The following ARMH3 variants were observed in gnomAD, a reference collection of about 807,000 sequenced individuals.
ARMH3 encodes the protein armadillo-like helical domain-containing protein 3.
Under a neutral mutation model 99.1 loss-of-function variants are expected in ARMH3, and 60 were observed. The observed-to-expected ratio is 0.61, with a 90% confidence interval of 0.49 to 0.75. The LOEUF is 0.75. Ranked by LOEUF, ARMH3 falls within the 30% of genes least tolerant of loss-of-function variation. The pLI is 0.00. For synonymous variants in ARMH3, 285 were observed against 292.8 expected, an observed-to-expected ratio of 0.97 and a Z score of 0.27; for missense variants, 679 against 843.1, an observed-to-expected ratio of 0.81 and a Z score of 2.41.
chr10:102,023,532 T>C lies in ARMH3; in HGVS notation c.614A>G (p.His205Arg). ...ILSHPPSRRE[H>R]GYDAVVLLAL... Reference sequence around the variant, plus strand: ...CAAGAGGACGACAGCATCATACCCATGCTCCCTACGACTTGGGGGATGGGA... The same window carrying C: ...CAAGAGGACGACAGCATCATACCCACGCTCCCTACGACTTGGGGGATGGGA... The change falls in exon 8 of 26, where the codon CAT becomes CGT. Residue 205 changes from histidine (H) to arginine (R), a missense_variant. His to Arg is a conservative substitution (Grantham distance 29, BLOSUM62 0). This residue lies in a region of ARMH3 where 280 missense variants were observed against 354.6 expected (regional missense o/e 0.79). Coordinates refer to ENST00000370033, the MANE Select transcript of ARMH3 (RefSeq NM_024541.3). 1 of 1,614,112 alleles carries C rather than the reference T, an allele frequency of 6.2e-7. No homozygotes were observed. The highest frequency in any genetic ancestry group is 8.5e-7 in the Non-Finnish European group (1 of 1,180,018).
rs541294479 is a variant in ARMH3 at position 101,918,184 on chromosome 10, G to A, written c.1781+21679C>T. On this transcript the variant is annotated intron_variant, in intron 23 of 25. Transcript: ENST00000370033. ...TTCTCCTGCTTCAGTCTCCCAAGTA[G>A]CTGGGACTACAGGTGTGCACCACCA... is the stretch of plus-strand genomic sequence containing the variant. Among the ~76,000 whole-genome samples the A allele has an allele frequency of 1.2e-3, 177 of 152,234 alleles. 1 individual carries two copies. Among genetic ancestry groups the A allele is most frequent in the African/African-American group, 3.9e-3 (164 of 41,536 alleles).
chr10:101,898,025 C>T (rs1419290075), intron 23 of ARMH3, among the ~76,000 whole-genome samples: 1 of 152,040 alleles, frequency 6.6e-6, no homozygotes, highest in South Asian at 2.1e-4. Flanking sequence ...TAGTTAATGT[C>T]GAACTTGCAT....
Position 101,957,654 on chromosome 10 carries a change from A to C in ARMH3, c.1574T>G (p.Leu525Arg), listed in dbSNP as rs371311945. The C allele has an allele frequency of 6.2e-7, 1 of 1,608,928 alleles. No homozygotes were observed. Among genetic ancestry groups the C allele is most frequent in the Non-Finnish European group, 8.5e-7 (1 of 1,178,310 alleles). ...AGTATTTGTTTTGATACTCACCATA[A>C]GGGCTAATGTAAAAATGTTGTGTTT... is the stretch of plus-strand genomic sequence containing the variant. ...LAKHNIFTLA[L>R]MIVNLFNMFI... Residue 525 changes from leucine (L) to arginine (R), a missense_variant, in exon 21 of 26, where the codon CTT becomes CGT. Transcript: ENST00000370033.
At chr10:101,901,265 G>A (rs890715493) in intron 23 of ARMH3, among the ~76,000 whole-genome samples, 1 of 149,028 alleles carries the variant, frequency 6.7e-6, no homozygotes, top group Non-Finnish European at 1.5e-5. Flanking sequence ...TGAGAGGGTG[G>A]GCCATATGGA....
chr10:101,903,524 G>A (rs765867177), intron 23 of ARMH3, among the ~76,000 whole-genome samples: 23 of 152,210 alleles, frequency 1.5e-4, no homozygotes, highest in Non-Finnish European at 3.2e-4. Flanking sequence ...TGCAGGCTTA[G>A]AAAGGACATT....
chr10:101,915,969 A>C (rs1367616809), intron 23 of ARMH3, among the ~76,000 whole-genome samples: 1 of 151,828 alleles, frequency 6.6e-6, no homozygotes, highest in Non-Finnish European at 1.5e-5. Context: ...GCGCCTGGCT[A>C]ATTTTTTTGT....
chr10:101,896,434 T>A (rs1229534627), intron 23 of ARMH3, among the ~76,000 whole-genome samples: 5 of 152,094 alleles, frequency 3.3e-5, no homozygotes. Flanking sequence ...TAGGGAAGAA[T>A]AGGGAGTGAC....
intron 1 of ARMH3, among the ~76,000 whole-genome samples, chr10:102,047,583 C>G (rs886406956): frequency 1.1e-4 from 16 of 151,738 alleles, no homozygotes; most frequent in Middle Eastern, 3.2e-3. Context: ...GCATCCCAGG[C>G]TCAAGTGATC....
chr10:101,999,470 G>A (rs1436028884), intron 15 of ARMH3, among the ~76,000 whole-genome samples: 1 of 152,124 alleles, frequency 6.6e-6, no homozygotes, highest in African/African-American at 2.4e-5. Flanking sequence ...GGGATTACAG[G>A]TGTGAGCCAC....
chr10:102,051,406 G>A (rs1254472310), intron 1 of ARMH3, among the ~76,000 whole-genome samples: 1 of 151,498 alleles, frequency 6.6e-6, no homozygotes. Context: ...CCAAGAGGCG[G>A]AAGTTGCAGT....
intron 23 of ARMH3, among the ~76,000 whole-genome samples, chr10:101,916,800 C>G (rs979528303): frequency 6.6e-6 from 1 of 152,162 alleles, no homozygotes; most frequent in South Asian, 2.1e-4. Flanking sequence ...CTGTTGAAAG[C>G]CCACCTGAAT....
At chr10:101,977,396 A>G (rs1846058997) in intron 19 of ARMH3, among the ~76,000 whole-genome samples, 1 of 152,212 alleles carries the variant, frequency 6.6e-6, no homozygotes, top group South Asian at 2.1e-4. Flanking sequence ...ATACTGATGA[A>G]ACTTACTTCC....
chr10:101,999,331 A>G (rs186478660), intron 15 of ARMH3, among the ~76,000 whole-genome samples: 7 of 152,070 alleles, frequency 4.6e-5, no homozygotes, highest in African/African-American at 1.4e-4. Flanking sequence ...AGCTGAGATT[A>G]CAGGCACCCA....
At chr10:101,927,093 A>G (rs1038782184) in intron 23 of ARMH3, among the ~76,000 whole-genome samples, 5 of 152,212 alleles carry the variant, frequency 3.3e-5, no homozygotes, top group Admixed American at 2.0e-4. Context: ...ACCTAAAGAA[A>G]TTGGAAATAA....
intron 1 of ARMH3, among the ~76,000 whole-genome samples, chr10:102,043,574 G>A (rs2067471954): frequency 6.6e-6 from 1 of 152,138 alleles, no homozygotes; most frequent in Non-Finnish European, 1.5e-5. Flanking sequence ...AATGCTATGG[G>A]ATAATAAAGG....
At chr10:102,049,532 A>G (rs2067642452) in intron 1 of ARMH3, among the ~76,000 whole-genome samples, 1 of 149,874 alleles carries the variant, frequency 6.7e-6, no homozygotes, top group South Asian at 2.1e-4. Context: ...ATAGAGCGAG[A>G]CTCTGTTTCC....
At chr10:101,963,499 G>C (rs1025046611) in intron 20 of ARMH3, among the ~76,000 whole-genome samples, 32 of 152,218 alleles carry the variant, frequency 2.1e-4, no homozygotes, top group Non-Finnish European at 4.3e-4. Flanking sequence ...TCGAACTCTT[G>C]ACCTCAGGTG....
At chr10:101,873,901 G>A (rs1022836658) in intron 24 of ARMH3, among the ~76,000 whole-genome samples, 1 of 152,042 alleles carries the variant, frequency 6.6e-6, no homozygotes, top group Non-Finnish European at 1.5e-5. Flanking sequence ...GGACATTTAG[G>A]TTGTTTCTAC....
intron 23 of ARMH3, among the ~76,000 whole-genome samples, chr10:101,891,835 G>A (rs541263880): frequency 6.6e-6 from 1 of 152,138 alleles, no homozygotes; most frequent in Non-Finnish European, 1.5e-5. Flanking sequence ...TGGGCTAGGC[G>A]TGGTGGCTCA....
Sources: allele counts gnomAD v4.1 joint callset (sites outside exome capture counted in the v4.1 genomes callset), GRCh38; gene constraint gnomAD v4.1.1; regional missense constraint gnomAD v4.1.1; transcripts MANE v1.5; gene names NCBI Gene and HGNC (gene_info 2026-07-23, HGNC 2026-07-21).